Variants in CHLSN observed in about 807,000 individuals in gnomAD.
CHLSN encodes cholesin.
At chr7:981,311 A>G in the CHLSN span, among the ~76,000 whole-genome samples, 1 of 150,792 alleles carries the variant, frequency 6.6e-6, no homozygotes, top group Non-Finnish European at 1.5e-5. Flanking sequence ...AAAAAAAAAA[A>G]GAAAAGAAAA....
the CHLSN span, among the ~76,000 whole-genome samples, chr7:1,024,077 C>T: frequency 1.3e-5 from 2 of 152,192 alleles, no homozygotes; most frequent in South Asian, 2.1e-4. Context: ...ATCCTCCTTG[C>T]CGGCCTCCCA....
chr7:1,136,215 TATAA>T, the CHLSN span, among the ~76,000 whole-genome samples: 2 of 115,422 alleles, frequency 1.7e-5, no homozygotes, highest in Admixed American at 2.1e-4. Context: ...TATAAATATA[TATAA>T]ACATATATAA....
chr7:978,408 C>A, the CHLSN span, among the ~76,000 whole-genome samples: 13 of 152,170 alleles, frequency 8.5e-5, no homozygotes, highest in Admixed American at 2.0e-4. Flanking sequence ...GTCCCAGCTA[C>A]CCCAGAGGCT....
the CHLSN span, chr7:1,057,589 G>T: frequency 3.9e-6 from 3 of 771,836 alleles, no homozygotes; most frequent in Admixed American, 1.7e-5. Flanking sequence ...CTGCAGCTGG[G>T]GCTGTCACTG....
At chr7:1,054,678 G>T in the CHLSN span, among the ~76,000 whole-genome samples, 2 of 152,238 alleles carry the variant, frequency 1.3e-5, no homozygotes, top group Non-Finnish European at 2.9e-5. Flanking sequence ...CCTGCAAGGA[G>T]GGGTGCGGCG....
chr7:1,007,668 G>A, the CHLSN span, among the ~76,000 whole-genome samples: 2 of 152,208 alleles, frequency 1.3e-5, no homozygotes, highest in African/African-American at 4.8e-5. Flanking sequence ...CTGTGGGAAG[G>A]GGCTGCTTTG....
chr7:1,045,892 C>T, the CHLSN span: 1 of 152,284 alleles, frequency 6.6e-6, no homozygotes, highest in Non-Finnish European at 1.5e-5. Context: ...CATCCTGCCT[C>T]TCTAGCCAGC....
the CHLSN span, among the ~76,000 whole-genome samples, chr7:1,038,161 G>T: frequency 2.7e-5 from 3 of 109,244 alleles, no homozygotes; most frequent in Non-Finnish European, 6.2e-5. Context: ...AGGTGGGGGG[G>T]GGTCAACCCC....
the CHLSN span, among the ~76,000 whole-genome samples, chr7:1,064,308 C>T: frequency 6.6e-6 from 1 of 152,122 alleles, no homozygotes; most frequent in Non-Finnish European, 1.5e-5. Flanking sequence ...AGAACAGGCC[C>T]CGGAAAGACG....
chr7:1,108,726 G>A, the CHLSN span, among the ~76,000 whole-genome samples: 4 of 152,266 alleles, frequency 2.6e-5, no homozygotes, highest in African/African-American at 9.6e-5. Flanking sequence ...CACCCGGGTT[G>A]CCGTGTCACT....
At chr7:1,107,962 G>T in the CHLSN span, among the ~76,000 whole-genome samples, 2 of 131,918 alleles carry the variant, frequency 1.5e-5, no homozygotes, top group Non-Finnish European at 3.1e-5. Flanking sequence ...GCAGAGGGGG[G>T]CTGTGTCCCG....
At chr7:1,122,848 C>A in the CHLSN span, among the ~76,000 whole-genome samples, 1 of 152,226 alleles carries the variant, frequency 6.6e-6, no homozygotes, top group African/African-American at 2.4e-5. Context: ...AAGGCGCCAA[C>A]CCCAGCGGCA....
At chr7:1,003,582 G>A in the CHLSN span, among the ~76,000 whole-genome samples, 1 of 54,096 alleles carries the variant, frequency 1.8e-5, no homozygotes, top group Non-Finnish European at 3.4e-5. Flanking sequence ...TCCTGTGGGT[G>A]GGGAGTCCTG....
chr7:1,055,602 G>A, the CHLSN span: 543 of 365,432 alleles, frequency 1.5e-3, 1 homozygote, highest in South Asian at 2.6e-3. Flanking sequence ...GACGCAGGGG[G>A]TTCTGTACAG....
At chr7:1,066,502 G>A in the CHLSN span, among the ~76,000 whole-genome samples, 2 of 152,244 alleles carry the variant, frequency 1.3e-5, no homozygotes, top group African/African-American at 4.8e-5. Context: ...AGGATCCCGG[G>A]CCATTCCTTC....
chr7:1,022,386 T>G, the CHLSN span, among the ~76,000 whole-genome samples: 1 of 152,206 alleles, frequency 6.6e-6, no homozygotes, highest in South Asian at 2.1e-4. Flanking sequence ...CTGTTCCAAT[T>G]TAAAGAAAAC....
chr7:1,113,730 C>T, the CHLSN span, among the ~76,000 whole-genome samples: 6 of 152,198 alleles, frequency 3.9e-5, no homozygotes, highest in Non-Finnish European at 7.3e-5. Context: ...TTTCCGACAG[C>T]GTGCCTCATC....
the CHLSN span, chr7:988,766 C>T: frequency 2.5e-6 from 4 of 1,598,180 alleles, no homozygotes; most frequent in Admixed American, 1.7e-5. Context: ...CACGCCCGCC[C>T]GGGCTTTTAC....
the CHLSN span, chr7:986,544 C>T: frequency 1.4e-5 from 22 of 1,532,856 alleles, no homozygotes; most frequent in African/African-American, 1.1e-4. Context: ...TGAACACAGC[C>T]GCTGGGGACG....
Sources: gnomAD v4.1 joint callset for allele counts (sites outside exome capture counted in the v4.1 genomes callset) on GRCh38, gnomAD v4.1.1 for gene constraint, MANE v1.5 for transcripts, NCBI Gene and HGNC (gene_info 2026-07-23, HGNC 2026-07-21) for gene names.